The following XRCC3 variants were observed in gnomAD, a reference collection of about 807,000 sequenced individuals.
XRCC3 encodes the protein DNA repair protein XRCC3.
XRCC3 carries 34 observed loss-of-function variants against 29.2 expected under a neutral mutation model. That is an observed-to-expected ratio of 1.16 (90% CI 0.88 to 1.55). The LOEUF is 1.55. XRCC3 is among the 40% of genes most tolerant of loss of function. XRCC3 has a pLI of 0.00. For missense variants in XRCC3, 463 were observed against 467.6 expected, an observed-to-expected ratio of 0.99 and a Z score of 0.09; for synonymous variants, 223 against 211.3, an observed-to-expected ratio of 1.06 and a Z score of -0.48.
At chr14:103,710,920 T>C in intron 4 of XRCC3, 113 bp downstream of exon 4, 1 of 1,026,816 alleles carries the variant, frequency 9.7e-7, no homozygotes, top group South Asian at 1.3e-5. Flanking sequence ...CTCGGTTTAA[T>C]AATCAGGGTA....
At chr14:103,701,246 C>G in intron 7 of XRCC3, 1 of 1,546,092 alleles carries the variant, frequency 6.5e-7, no homozygotes. Flanking sequence ...CCGAGTGTGG[C>G]CCGGAGCTGG....
At chr14:103,703,484 T>C in intron 6 of XRCC3, 157 bp from the exon 7 acceptor site, 1 of 895,754 alleles carries the variant, frequency 1.1e-6, no homozygotes, top group Non-Finnish European at 1.7e-6. Context: ...GTGCTTTTTC[T>C]CACCCTCCCA....
intron 5 of XRCC3, chr14:103,708,198 C>T: frequency 2.4e-6 from 1 of 421,090 alleles, no homozygotes; most frequent in South Asian, 2.1e-5. Flanking sequence ...TCACACCGTT[C>T]CCACCCTGCC....
chr14:103,700,376 A>G lies in XRCC3; in HGVS notation c.562-800T>C, dbSNP rs2083066282. 1.0e-5 allele frequency: 4 copies of G among 401,212 alleles called. No individual in the cohort carries two copies. In the East Asian group the frequency reaches 1.8e-4, roughly 18 times the overall value. 24.9% of individuals were successfully genotyped at this position (401,212 alleles called of 1,614,324 possible). A position where few individuals can be genotyped will look rare whatever the true frequency, so the allele number is the denominator to read the frequency against. On this transcript the variant is annotated intron_variant, in intron 7 of 9. Coordinates refer to ENST00000555055, the MANE Select transcript of XRCC3 (RefSeq NM_005432.4). ...GGTGCTGCCGTGGCCTGTGGGTGCCAGAGCCATTGGCATGGCTGGCCTGGC... is the reference window on the plus strand; with the variant it reads ...GGTGCTGCCGTGGCCTGTGGGTGCCGGAGCCATTGGCATGGCTGGCCTGGC...
chr14:103,707,761 T>C, intron 5 of XRCC3: 1 of 203,278 alleles, frequency 4.9e-6, no homozygotes, highest in Non-Finnish European at 1.0e-5. Context: ...CCGAAGCCCC[T>C]CAGGGCAAGG....
chr14:103,700,708 TG>T, intron 7 of XRCC3: 1 of 1,602,812 alleles, frequency 6.2e-7, no homozygotes, highest in Non-Finnish European at 8.5e-7. Flanking sequence ...AGCAGTGGCC[TG>T]GAAGACGCCA....
chr14:103,699,041 C>G (rs2082846063), intron 9 of XRCC3, 24 bp from the exon 10 acceptor site: 1 of 1,570,454 alleles, frequency 6.4e-7, no homozygotes, highest in African/African-American at 1.4e-5. Flanking sequence ...AGCAGGCAAG[C>G]TGGCGCTCAG....
intron 6 of XRCC3, chr14:103,705,055 A>G (rs1312453103): frequency 6.6e-6 from 1 of 152,210 alleles, no homozygotes; most frequent in Non-Finnish European, 1.5e-5. Context: ...TTTCAAACGT[A>G]AAGAAGAGTT....
intron 7 of XRCC3, chr14:103,700,427 A>C: frequency 2.1e-6 from 1 of 469,024 alleles, no homozygotes; most frequent in Non-Finnish European, 3.8e-6. Flanking sequence ...TTGGTGAGCC[A>C]TGGTGATGGG....
chr14:103,699,660 C>T (rs922095061), intron 7 of XRCC3, 84 bp from the exon 8 acceptor site: 92 of 1,410,018 alleles, frequency 6.5e-5, no homozygotes, highest in South Asian at 3.4e-4. Flanking sequence ...GTCACTCGAC[C>T]GTCTGAAAAC....
intron 8 of XRCC3, 64 bp from the exon 9 acceptor site, chr14:103,699,243 CTG>C: frequency 2.6e-6 from 4 of 1,540,816 alleles, no homozygotes; most frequent in Non-Finnish European, 3.5e-6. Flanking sequence ...TAGGCACAGG[CTG>C]CTACCCGCAG....
chr14:103,709,053 C>T (rs2083538036), intron 4 of XRCC3: 3 of 350,572 alleles, frequency 8.6e-6, no homozygotes, highest in South Asian at 4.4e-5. Flanking sequence ...AAACCAGCAC[C>T]GAGCTTTCCA....
At chr14:103,714,238 C>T (rs1046862763) in intron 1 of XRCC3, 3 of 152,280 alleles carry the variant, frequency 2.0e-5, no homozygotes, top group Non-Finnish European at 2.9e-5. Context: ...CCGTGTGATT[C>T]GTGGAATCAT....
intron 7 of XRCC3, chr14:103,700,357 G>A: frequency 2.7e-6 from 1 of 368,556 alleles, no homozygotes; most frequent in Non-Finnish European, 4.9e-6. Context: ...TCTGGGTGCT[G>A]CCGTGGCCTG....
At chr14:103,699,300 G>T in intron 8 of XRCC3, 64 bp downstream of exon 8, 1 of 1,547,384 alleles carries the variant, frequency 6.5e-7, no homozygotes, top group Non-Finnish European at 8.7e-7. Context: ...CTCCAGACCG[G>T]CTCTGCTTCC....
At chr14:103,707,462 C>CT (rs1567059468) in intron 5 of XRCC3, 4 of 580,038 alleles carry the variant, frequency 6.9e-6, no homozygotes, top group African/African-American at 1.9e-5. Context: ...AGGGATCCCC[C>CT]TATGGGGCAA....
chr14:103,706,943 T>C lies in XRCC3; in HGVS notation c.406+60A>G, dbSNP rs72563150. ...ACTGCCCCACCTCAACGGAAAGCTG[T>C]CCCACACAAAGCAGGGGCCGCCCAC... On this transcript the variant is annotated intron_variant, in intron 6 of 9. Coordinates refer to ENST00000555055, the MANE Select transcript of XRCC3 (RefSeq NM_005432.4). 700 of 1,518,200 alleles carry C rather than the reference T, an allele frequency of 4.6e-4. 4 individuals are homozygous for C. The African/African-American group carries it at 8.7e-3, about 19-fold the overall frequency. 94.0% of individuals were successfully genotyped at this position (1,518,200 alleles called of 1,614,324 possible).
At chr14:103,701,062 G>A (rs2083157188) in intron 7 of XRCC3, 1 of 1,067,772 alleles carries the variant, frequency 9.4e-7, no homozygotes, top group African/African-American at 1.6e-5. Flanking sequence ...TCGGCCCCAG[G>A]GAGGCTCACA....
intron 6 of XRCC3, 159 bp downstream of exon 6, chr14:103,706,844 G>T: frequency 1.1e-6 from 1 of 880,458 alleles, no homozygotes; most frequent in Non-Finnish European, 1.8e-6. Flanking sequence ...CCCCCTCCCT[G>T]TTCTGGAAGG....
Sources: allele counts gnomAD v4.1 joint callset, GRCh38; gene constraint gnomAD v4.1.1; transcripts MANE v1.5; gene names NCBI Gene and HGNC (gene_info 2026-07-23, HGNC 2026-07-21).